The following LAT2 variants were observed in gnomAD, a reference collection of about 807,000 sequenced individuals.
LAT2 encodes the protein linker for activation of T cells family member 2.
LAT2 carries 23 observed loss-of-function variants against 43.4 expected under a neutral mutation model. The ratio of observed to expected loss-of-function variants is 0.53; its 90% CI spans 0.38 to 0.75. The LOEUF (loss-of-function observed/expected upper bound fraction) is 0.75, where lower values mean the gene tolerates loss of function less well. Ranked by LOEUF, LAT2 falls within the 30% of genes least tolerant of loss-of-function variation. The pLI is 0.00. For missense variants in LAT2, 284 were observed against 310.2 expected, an observed-to-expected ratio of 0.92 and a Z score of 0.64; for synonymous variants, 128 against 123.2, an observed-to-expected ratio of 1.04 and a Z score of -0.26.
intron 1 of LAT2, among the ~76,000 whole-genome samples, chr7:74,214,047 TATATATATATGAAAAAATATATATAA>T (rs1801839278): frequency 7.5e-6 from 1 of 133,190 alleles, no homozygotes; most frequent in African/African-American, 2.9e-5. Context: ...TATGTATATA[TATATATATATGAAAAAATATATATAA>T]ATATATATAT....
intron 13 of LAT2, chr7:74,226,122 C>A (rs1802473634): frequency 6.6e-6 from 1 of 151,500 alleles, no homozygotes; most frequent in South Asian, 2.1e-4. Flanking sequence ...CATAGCAAGA[C>A]CTCTCTCTCT....
chr7:74,219,171 G>A (rs1554714668), intron 4 of LAT2, among the ~76,000 whole-genome samples: 3 of 151,506 alleles, frequency 2.0e-5, no homozygotes, highest in East Asian at 1.9e-4. Flanking sequence ...CGAGTAGCTG[G>A]GACTACAGGC....
chr7:74,211,123 C>G (rs1472418417), intron 1 of LAT2, among the ~76,000 whole-genome samples: 1 of 152,238 alleles, frequency 6.6e-6, no homozygotes, highest in Non-Finnish European at 1.5e-5. Context: ...TGTGGCAGCC[C>G]CCACTCCCCA....
intron 2 of LAT2, 117 bp from the exon 3 acceptor site, chr7:74,215,830 G>T: frequency 1.4e-6 from 1 of 730,374 alleles, no homozygotes. Context: ...GGAGCGGGGA[G>T]GGGAGGTGGT....
chr7:74,213,518 A>G (rs898632773), intron 1 of LAT2, among the ~76,000 whole-genome samples: 4 of 143,084 alleles, frequency 2.8e-5, no homozygotes, highest in African/African-American at 5.3e-5. Context: ...TCCACCTCCT[A>G]GGTTCAAGTG....
intron 1 of LAT2, among the ~76,000 whole-genome samples, chr7:74,214,487 AAT>A (rs1198754177): frequency 1.3e-3 from 52 of 39,170 alleles, no homozygotes; most frequent in East Asian, 4.7e-3. Flanking sequence ...TATATATGAA[AAT>A]ATATATATAA....
rs34339569 is a variant in LAT2 at position 74,228,165 on chromosome 7, T to TAA, written c.*19-750_*19-749dup. Reference sequence around the variant, plus strand: ...CACTCCAGCCTGGGCAACTACGTCTTAAAAAAAAAAAAAAAAAAAAAAAAA... The same window carrying TAA: ...CACTCCAGCCTGGGCAACTACGTCTTAAAAAAAAAAAAAAAAAAAAAAAAAAA... On this transcript the variant is annotated intron_variant, in intron 13 of 13. Coordinates refer to ENST00000460943, the MANE Select transcript of LAT2 (RefSeq NM_032464.3). Among the ~76,000 whole-genome samples, 67 of 22,430 alleles carry TAA rather than the reference T, an allele frequency of 3.0e-3. 5 individuals carry two copies. The highest frequency in any genetic ancestry group is 7.9e-3 in the East Asian group (4 of 504). The allele number at this position is 22,430 out of a possible 152,430, so 14.7% of individuals were successfully genotyped here. A position where few individuals can be genotyped will look rare whatever the true frequency, so the allele number is the denominator to read the frequency against.
chr7:74,217,752 G>C (rs1007572786), intron 4 of LAT2, among the ~76,000 whole-genome samples: 15 of 152,238 alleles, frequency 9.9e-5, no homozygotes, highest in Non-Finnish European at 1.8e-4. Context: ...AGTGGCCACA[G>C]GTGTCCTTTG....
chr7:74,221,246 T>C (rs1199723898), intron 9 of LAT2, among the ~76,000 whole-genome samples: 1 of 151,328 alleles, frequency 6.6e-6, no homozygotes, highest in Non-Finnish European at 1.5e-5. Context: ...TGAAACCTCA[T>C]CTCTACTAAA....
In LAT2 at chr7:74,220,373, A is replaced by G; in HGVS notation, c.265+119A>G. On this transcript the variant is annotated intron_variant, in intron 7 of 13. Transcript: ENST00000460943. The surrounding 1 kb of genome is among the most constrained non-coding windows in gnomAD (Gnocchi z 4.5). ...CTGCGGGGCCAGGCGAGGCCTCCCCAGGAGAGACACACAGGCTGGGGCAGG... is the reference window on the plus strand; with the variant it reads ...CTGCGGGGCCAGGCGAGGCCTCCCCGGGAGAGACACACAGGCTGGGGCAGG... 8.4e-6 allele frequency: 11 copies of G among 1,312,702 alleles called. No homozygotes were observed. Among genetic ancestry groups the G allele is most frequent in the South Asian group, 1.3e-5 (1 of 76,994 alleles). The allele number at this position is 1,312,702 out of a possible 1,614,324, so 81.3% of individuals were successfully genotyped here.
At chr7:74,214,761 AAACATATATATATAAAT>A (rs1563968656) in intron 1 of LAT2, 44 bp from the exon 2 acceptor site, 42 of 83,992 alleles carry the variant, frequency 5.0e-4, no homozygotes, top group African/African-American at 2.3e-3. Flanking sequence ...ATATATATAT[AAACATATATATATAAAT>A]ATATATATAT....
chr7:74,223,919 C>T (rs899279329), intron 11 of LAT2, 99 bp from the exon 12 acceptor site: 27 of 1,477,758 alleles, frequency 1.8e-5, no homozygotes, highest in African/African-American at 4.2e-5. Flanking sequence ...AGGTACCTTT[C>T]GGTAGAGCCT....
At chr7:74,226,134 C>T (rs372521456) in intron 13 of LAT2, 9 of 145,048 alleles carry the variant, frequency 6.2e-5, no homozygotes, top group Admixed American at 6.1e-4. Flanking sequence ...TCTCTCTCTA[C>T]AAAAACTTTT....
chr7:74,220,719 C>T lies in LAT2; in HGVS notation c.317C>T (p.Ser106Leu), dbSNP rs782439942. 92 of 1,604,046 alleles carry T rather than the reference C, an allele frequency of 5.7e-5. No homozygotes were observed. Among genetic ancestry groups the T allele is most frequent in the Admixed American group, 1.5e-4 (9 of 59,400 alleles). ...CCTCCCGCAGGAAGCAGACACGGGTCGGAGGAAGCCTACATGTGAGTGACC... is the reference window on the plus strand; with the variant it reads ...CCTCCCGCAGGAAGCAGACACGGGTTGGAGGAAGCCTACATGTGAGTGACC... ...QNFSKGSRHG[S>L]EEAYIDPIAM... The change falls in exon 9 of 14, where the codon TCG (serine) becomes TTG (leucine). Residue 106 changes from serine to leucine, a missense_variant. Physicochemically the swap from Ser to Leu is moderately radical, Grantham distance 145. Coordinates refer to ENST00000460943, the MANE Select transcript of LAT2 (RefSeq NM_032464.3). The surrounding 1 kb of genome is among the most constrained non-coding windows in gnomAD (Gnocchi z 4.5).
rs192030955 is a variant in LAT2 at position 74,218,846 on chromosome 7, G to A, written c.135-898G>A. On this transcript the variant is annotated intron_variant, in intron 4 of 13. Transcript: ENST00000460943. ...CGAGTAGCTGGGATTACAGGCATGC[G>A]CCACCATGCCCAGCTAATTTTTGTA... Among the ~76,000 whole-genome samples, 543 of 151,826 alleles carry A rather than the reference G, an allele frequency of 3.6e-3. 5 individuals carry two copies. The highest frequency in any genetic ancestry group is 0.012 in the African/African-American group (508 of 41,418).
chr7:74,211,411 G>A (rs1584202825), intron 1 of LAT2, among the ~76,000 whole-genome samples: 1 of 152,090 alleles, frequency 6.6e-6, no homozygotes, highest in East Asian at 1.9e-4. Context: ...CAAGTAGCTG[G>A]GGACTACAGG....
At position 74,220,528 on chromosome 7, in the gene LAT2, G is replaced by A; in HGVS notation, c.266-56G>A. ...CCCTGCCTTGGGCTGCAGCACCCGAGCTGGGTGCAAAGCAGGGGCCAGGGG... is the reference window on the plus strand; with the variant it reads ...CCCTGCCTTGGGCTGCAGCACCCGAACTGGGTGCAAAGCAGGGGCCAGGGG... On this transcript the variant is annotated intron_variant, in intron 7 of 13. Coordinates refer to ENST00000460943, the MANE Select transcript of LAT2 (RefSeq NM_032464.3). The surrounding 1 kb of genome is among the most constrained non-coding windows in gnomAD (Gnocchi z 4.5). The A allele has an allele frequency of 2.5e-6, 4 of 1,606,492 alleles. No homozygotes were observed. Among genetic ancestry groups the A allele is most frequent in the Non-Finnish European group, 3.4e-6 (4 of 1,173,950 alleles).
Position 74,221,670 on chromosome 7 carries a change from G to T in LAT2, c.366G>T (p.Gly122=), listed in dbSNP as rs1173396695. The change falls in exon 10 of 14, where the codon GGG becomes GGT. Residue 122 remains glycine (G), a synonymous_variant. Coordinates refer to ENST00000460943, the MANE Select transcript of LAT2 (RefSeq NM_032464.3). ...TTGCCATGGAGTATTACAACTGGGG[G>T]CGGTTCTCGAAGCCCCCAGAAGGTG... ...DPIAMEYYNW[G]RFSKPPEDDD... is the part of the protein sequence containing the mutation. 3 of 1,613,206 alleles carry T rather than the reference G, an allele frequency of 1.9e-6. No individual in the cohort carries two copies. The African/African-American group carries it at 4.0e-5, about 22-fold the overall frequency.
intron 10 of LAT2, 96 bp from the exon 11 acceptor site, chr7:74,223,628 G>C (rs1802372836): frequency 8.5e-7 from 1 of 1,174,268 alleles, no homozygotes; most frequent in Non-Finnish European, 1.3e-6. Flanking sequence ...GGCGGAAGAG[G>C]TCCCCTGCAA....
Sources: gnomAD v4.1 joint callset for allele counts (sites outside exome capture counted in the v4.1 genomes callset) on GRCh38, gnomAD v4.1.1 for gene constraint, Gnocchi (gnomAD v3.1) non-coding constraint, MANE v1.5 for transcripts, NCBI Gene and HGNC (gene_info 2026-07-23, HGNC 2026-07-21) for gene names.